CSMD1: variants seen among roughly 807,000 people sequenced by gnomAD.
CSMD1 encodes the protein CUB and sushi domain-containing protein 1.
In CSMD1, 213 loss-of-function variants were observed where a neutral mutation model predicts 417.5. That is an observed-to-expected ratio of 0.51 (90% CI 0.46 to 0.57). The LOEUF (loss-of-function observed/expected upper bound fraction) is 0.57. Ranked by LOEUF, CSMD1 falls within the 20% of genes least tolerant of loss-of-function variation. CSMD1 has a pLI of 0.00. For synonymous variants in CSMD1, 2,862 were observed against 1,736.8 expected (o/e 1.65, Z -16.11); for missense variants, 6,923 against 4,529.7 (o/e 1.53, Z -15.17).
intron 4 of CSMD1, among the ~76,000 whole-genome samples, chr8:4,030,973 C>T (rs1585167009): frequency 6.6e-6 from 1 of 152,142 alleles, no homozygotes; most frequent in Non-Finnish European, 1.5e-5. Context: ...ACCTTTGGTC[C>T]AGTTATGAAC....
intron 2 of CSMD1, among the ~76,000 whole-genome samples, chr8:4,427,501 ACAC>A: frequency 6.6e-6 from 1 of 151,948 alleles, no homozygotes; most frequent in Admixed American, 6.6e-5. Context: ...ACACACACAC[ACAC>A]ACACACACAT....
At chr8:4,446,469 C>G (rs534175136) in intron 2 of CSMD1, among the ~76,000 whole-genome samples, 1 of 152,122 alleles carries the variant, frequency 6.6e-6, no homozygotes, top group African/African-American at 2.4e-5. Flanking sequence ...GATCACCGAA[C>G]TTGGGAGACT....
intron 3 of CSMD1, among the ~76,000 whole-genome samples, chr8:4,179,217 T>C (rs1305519299): frequency 6.6e-6 from 1 of 152,092 alleles, no homozygotes; most frequent in Non-Finnish European, 1.5e-5. Context: ...ATGGTACTGG[T>C]ACCAAAACAG....
chr8:4,437,581 T>C (rs1030039763), intron 2 of CSMD1, among the ~76,000 whole-genome samples: 1 of 152,230 alleles, frequency 6.6e-6, no homozygotes, highest in African/African-American at 2.4e-5. Flanking sequence ...CTATCAGGTT[T>C]AAAATGTTTT....
chr8:3,601,985 G>A (rs559930873), intron 8 of CSMD1, among the ~76,000 whole-genome samples: 4 of 152,276 alleles, frequency 2.6e-5, no homozygotes, highest in Non-Finnish European at 4.4e-5. Context: ...GTCGGGAGAT[G>A]TGGGTAGGGG....
chr8:3,883,947 C>T (rs2954634), intron 5 of CSMD1, among the ~76,000 whole-genome samples: 32,761 of 151,934 alleles, frequency 0.22, 4,017 homozygotes, highest in African/African-American at 0.33. Flanking sequence ...CGCTTTTAAA[C>T]ATACATAGAT....
chr8:3,683,943 G>C (rs572097452), intron 7 of CSMD1, among the ~76,000 whole-genome samples: 25 of 151,794 alleles, frequency 1.6e-4, no homozygotes, highest in Non-Finnish European at 2.5e-4. Flanking sequence ...AGCAAATTTA[G>C]GACAATGCAC....
At chr8:4,187,577 A>G (rs1798757834) in intron 3 of CSMD1, among the ~76,000 whole-genome samples, 1 of 149,664 alleles carries the variant, frequency 6.7e-6, no homozygotes. Context: ...CCAGGAGGCT[A>G]ATGTAGGAGA....
At chr8:4,878,372 A>T (rs983684228) in intron 1 of CSMD1, among the ~76,000 whole-genome samples, 1 of 152,098 alleles carries the variant, frequency 6.6e-6, no homozygotes, top group Non-Finnish European at 1.5e-5. Flanking sequence ...ATGGAAGCCT[A>T]AACTATACCA....
At chr8:3,179,172 C>A (rs989009291) in intron 37 of CSMD1, among the ~76,000 whole-genome samples, 1 of 151,650 alleles carries the variant, frequency 6.6e-6, no homozygotes, top group African/African-American at 2.4e-5. Context: ...GTCTCGATCT[C>A]CTGACCTCGT....
rs192734571 is a variant in CSMD1, at chr8:4,276,902, T to C, written c.415+143051A>G. 2.6e-5 allele frequency among the ~76,000 whole-genome samples: 4 copies of C among 152,280 alleles called. No homozygotes were observed. The East Asian group carries it at 7.7e-4, about 29-fold the overall frequency. ...CATTTAAATACATAGTTAAAATATG[T>C]AATAGAGTACTGGAATTCATTTCAA... On this transcript the variant is annotated intron_variant, in intron 3 of 69. Coordinates refer to ENST00000635120, the MANE Select transcript of CSMD1 (RefSeq NM_033225.6).
chr8:3,117,869 C>A (rs939405124), intron 42 of CSMD1, among the ~76,000 whole-genome samples: 1 of 152,198 alleles, frequency 6.6e-6, no homozygotes, highest in Non-Finnish European at 1.5e-5. Context: ...TACACTGTTT[C>A]TTCTACCTGG....
chr8:4,125,408 C>T (rs1647331), intron 3 of CSMD1, among the ~76,000 whole-genome samples: 150,692 of 152,308 alleles, frequency 0.99, 74,571 homozygotes, highest in East Asian at 1. Flanking sequence ...CCTTTCTGGA[C>T]GAAACCAATG....
chr8:3,404,044 T>A (rs527486638), intron 15 of CSMD1, among the ~76,000 whole-genome samples: 62 of 152,312 alleles, frequency 4.1e-4, no homozygotes, highest in African/African-American at 1.3e-3. Flanking sequence ...AACATCAGAA[T>A]ACCCTCCTTT....
chr8:4,417,956 CTAGATTA>C (rs1797038087), intron 3 of CSMD1, among the ~76,000 whole-genome samples: 3 of 151,992 alleles, frequency 2.0e-5, no homozygotes, highest in Admixed American at 2.0e-4. Context: ...CTCTTCTACT[CTAGATTA>C]TCTTACCTTA....
At chr8:4,365,593 G>T (rs913101943) in intron 3 of CSMD1, among the ~76,000 whole-genome samples, 3 of 152,148 alleles carry the variant, frequency 2.0e-5, no homozygotes, top group African/African-American at 7.2e-5. Flanking sequence ...AGATACTCTG[G>T]TTTCTGTCTT....
At chr8:3,556,415 T>TATATATATACACACACACATACATA (rs1799148435) in intron 10 of CSMD1, among the ~76,000 whole-genome samples, 2 of 57,102 alleles carry the variant, frequency 3.5e-5, no homozygotes, top group African/African-American at 1.2e-4. Context: ...ATATATATAT[T>TATATATATACACACACACATACATA]CACACACACA....
intron 5 of CSMD1, among the ~76,000 whole-genome samples, chr8:3,828,393 G>C (rs540918112): frequency 2.6e-5 from 4 of 151,998 alleles, no homozygotes; most frequent in African/African-American, 9.7e-5. Flanking sequence ...AGGAAACTGC[G>C]TTACCATATT....
chr8:3,257,095 G>A (rs891563130), intron 26 of CSMD1, among the ~76,000 whole-genome samples: 4 of 152,192 alleles, frequency 2.6e-5, no homozygotes, highest in Admixed American at 2.6e-4. Context: ...GCCAAGGTGG[G>A]TGGATCACTT....
Sources: allele counts gnomAD v4.1 joint callset (sites outside exome capture counted in the v4.1 genomes callset), GRCh38; gene constraint gnomAD v4.1.1; transcripts MANE v1.5; gene names NCBI Gene and HGNC (gene_info 2026-07-23, HGNC 2026-07-21).